The following RANBP2 variants were observed in gnomAD, a reference collection of about 807,000 sequenced individuals.
RANBP2 encodes RAN binding protein 2.
A neutral mutation model predicts 303.6 loss-of-function variants in RANBP2; 57 were observed. That is an observed-to-expected ratio of 0.19 (90% confidence interval 0.15 to 0.23). RANBP2 has a LOEUF of 0.23. RANBP2 is among the 10% of genes least tolerant of loss of function. The probability of loss-of-function intolerance (pLI) is 1.00; values close to 1 mark genes in which losing one functional copy is unlikely to be tolerated. For synonymous variants in RANBP2, 1,167 were observed against 1,301.5 expected (o/e 0.90, Z 2.23); for missense variants, 3,138 against 3,780.8 (o/e 0.83, Z 4.46).
At chr2:109,287,225 T>C in the RANBP2 span, among the ~76,000 whole-genome samples, 1 of 152,204 alleles carries the variant, frequency 6.6e-6, no homozygotes, top group African/African-American at 2.4e-5. Context: ...AGGGACTTTT[T>C]TCTGCTCGGG....
chr2:109,084,008 G>T, the RANBP2 span, among the ~76,000 whole-genome samples: 6 of 152,168 alleles, frequency 3.9e-5, no homozygotes, highest in East Asian at 7.7e-4. Flanking sequence ...AAAGCTTTGT[G>T]TCACCCTTTC....
At chr2:109,633,413 AC>A in the RANBP2 span, among the ~76,000 whole-genome samples, 1 of 151,494 alleles carries the variant, frequency 6.6e-6, no homozygotes, top group Admixed American at 6.6e-5. Context: ...ACAAAACAAA[AC>A]AAAACAAAAC....
the RANBP2 span, among the ~76,000 whole-genome samples, chr2:109,092,446 T>C: frequency 6.6e-6 from 1 of 152,238 alleles, no homozygotes; most frequent in Non-Finnish European, 1.5e-5. Context: ...TTTTGTTATG[T>C]ATATTTTGCT....
chr2:108,907,862 C>A, the RANBP2 span: 2 of 1,613,480 alleles, frequency 1.2e-6, no homozygotes, highest in Non-Finnish European at 1.7e-6. Flanking sequence ...AGCCTCACCC[C>A]GGCTGACTTG....
At chr2:108,725,723 C>G (rs985417627) in intron 1 of RANBP2, among the ~76,000 whole-genome samples, 22 of 150,776 alleles carry the variant, frequency 1.5e-4, no homozygotes, top group Admixed American at 4.6e-4. Context: ...GAGCAAGACT[C>G]CATCTCAAAA....
chr2:109,350,346 G>A, the RANBP2 span, among the ~76,000 whole-genome samples: 1 of 152,344 alleles, frequency 6.6e-6, no homozygotes, highest in Non-Finnish European at 1.5e-5. Context: ...GGCTCCCACA[G>A]CAGACAAGGG....
the RANBP2 span, among the ~76,000 whole-genome samples, chr2:109,742,828 T>C: frequency 6.7e-6 from 1 of 148,632 alleles, no homozygotes; most frequent in East Asian, 1.9e-4. Context: ...GACAATGTGG[T>C]ATTAGCAGAA....
chr2:108,871,370 TAAAAAAAAAAAA>T, the RANBP2 span, among the ~76,000 whole-genome samples: 2 of 76,672 alleles, frequency 2.6e-5, no homozygotes, highest in Non-Finnish European at 5.0e-5. Flanking sequence ...CCAACTCTAT[TAAAAAAAAAAAA>T]AAAAAAAAAA....
At chr2:109,074,121 C>T in the RANBP2 span, among the ~76,000 whole-genome samples, 3 of 150,814 alleles carry the variant, frequency 2.0e-5, no homozygotes, top group Non-Finnish European at 3.0e-5. Context: ...AATCCCAACA[C>T]TTAGGAAGGC....
chr2:109,519,277 C>T, the RANBP2 span, among the ~76,000 whole-genome samples: 2 of 152,122 alleles, frequency 1.3e-5, no homozygotes, highest in Non-Finnish European at 2.9e-5. Flanking sequence ...ACGAGAACAG[C>T]ACTAGGGGGA....
At chr2:108,739,687 A>G (rs1198304916) in intron 6 of RANBP2, among the ~76,000 whole-genome samples, 1 of 152,172 alleles carries the variant, frequency 6.6e-6, no homozygotes, top group African/African-American at 2.4e-5. Context: ...AATTTAGAAT[A>G]TAGATTACAA....
the RANBP2 span, among the ~76,000 whole-genome samples, chr2:109,028,101 C>T: frequency 2.6e-5 from 4 of 152,060 alleles, no homozygotes; most frequent in African/African-American, 7.2e-5. Context: ...GAAACCCTGT[C>T]TCTACAAAAA....
chr2:108,932,616 C>G, the RANBP2 span, among the ~76,000 whole-genome samples: 10 of 150,216 alleles, frequency 6.7e-5, no homozygotes, highest in African/African-American at 2.2e-4. Context: ...AGCCAGGGAA[C>G]GGTGGAGAAG....
chr2:109,516,077 G>T, the RANBP2 span, among the ~76,000 whole-genome samples: 1 of 152,170 alleles, frequency 6.6e-6, no homozygotes, highest in Non-Finnish European at 1.5e-5. Context: ...TAGCTGAGTG[G>T]AATGGTTATG....
rs533272782 is a variant in RANBP2 at position 108,728,582 on chromosome 2, C to T, written c.73-550C>T. The stretch of plus-strand genomic sequence containing the variant: ...CTAGAATTAAAGGTGTGACCAACTG[C>T]ACCCAGCTTATTTATGATGATGATG... On this transcript the variant is annotated intron_variant, in intron 1 of 28. Coordinates refer to ENST00000283195, the MANE Select transcript of RANBP2 (RefSeq NM_006267.5). Among the ~76,000 whole-genome samples the T allele has an allele frequency of 6.8e-4, 98 of 144,544 alleles. 1 individual carries two copies. The highest frequency in any genetic ancestry group is 2.4e-3 in the African/African-American group (93 of 39,528). 94.8% of individuals were successfully genotyped at this position (144,544 alleles called of 152,430 possible). A position where few individuals can be genotyped will look rare whatever the true frequency, so the allele number is the denominator to read the frequency against.
the RANBP2 span, among the ~76,000 whole-genome samples, chr2:109,324,754 G>A: frequency 6.6e-6 from 1 of 152,216 alleles, no homozygotes; most frequent in Non-Finnish European, 1.5e-5. Flanking sequence ...CAAATGACTT[G>A]AAGGAGAGCA....
chr2:109,724,222 T>G, the RANBP2 span, among the ~76,000 whole-genome samples: 3 of 152,206 alleles, frequency 2.0e-5, no homozygotes, highest in Non-Finnish European at 4.4e-5. Context: ...GCTTTGTTCT[T>G]TTTGCTTAGG....
the RANBP2 span, among the ~76,000 whole-genome samples, chr2:109,138,288 A>G: frequency 1.3e-5 from 2 of 152,264 alleles, no homozygotes; most frequent in African/African-American, 4.8e-5. Context: ...TGGCCTCCCA[A>G]AGTGCTGGGA....
the RANBP2 span, among the ~76,000 whole-genome samples, chr2:109,284,397 A>G: frequency 6.6e-6 from 1 of 152,194 alleles, no homozygotes; most frequent in African/African-American, 2.4e-5. Flanking sequence ...GAATTTGGCA[A>G]TTGTGGGGCA....
Sources: gnomAD v4.1 joint callset for allele counts (sites outside exome capture counted in the v4.1 genomes callset) on GRCh38, gnomAD v4.1.1 for gene constraint, MANE v1.5 for transcripts, NCBI Gene and HGNC (gene_info 2026-07-23, HGNC 2026-07-21) for gene names.